SV2C: variants seen among roughly 807,000 people sequenced by gnomAD.
SV2C encodes solute carrier family 22 member B3.
Under a neutral mutation model 79.7 loss-of-function variants are expected in SV2C, and 49 were observed. That is an observed-to-expected ratio of 0.61 (90% CI 0.49 to 0.78). The LOEUF is 0.78. Among genes scored for constraint, SV2C ranks in the 30% least tolerant of loss-of-function variants. SV2C has a pLI of 0.00. For missense variants in SV2C, 833 were observed against 912.9 expected (o/e 0.91, Z 1.13); for synonymous variants, 334 against 333.2 (o/e 1.00, Z -0.03).
At chr5:76,034,434 A>T in the SV2C span, among the ~76,000 whole-genome samples, 3 of 152,188 alleles carry the variant, frequency 2.0e-5, no homozygotes, top group Admixed American at 6.5e-5. Flanking sequence ...TCAATACCTA[A>T]TTTATTGAGA....
chr5:75,877,149 T>C, the SV2C span, among the ~76,000 whole-genome samples: 155 of 152,166 alleles, frequency 1.0e-3, 1 homozygote, highest in African/African-American at 3.5e-3. Context: ...GTGGCTATAC[T>C]GATAATCAGA....
the SV2C span, among the ~76,000 whole-genome samples, chr5:76,028,671 C>T: frequency 6.6e-6 from 1 of 152,156 alleles, no homozygotes; most frequent in Non-Finnish European, 1.5e-5. Context: ...ATTGATCTGG[C>T]TGAATGAATC....
At chr5:76,039,176 C>T in the SV2C span, among the ~76,000 whole-genome samples, 1 of 152,222 alleles carries the variant, frequency 6.6e-6, no homozygotes, top group Non-Finnish European at 1.5e-5. Flanking sequence ...TTGACTTCTG[C>T]TCTGTCCTTT....
chr5:75,913,416 C>CA, the SV2C span, among the ~76,000 whole-genome samples: 2 of 152,142 alleles, frequency 1.3e-5, no homozygotes, highest in East Asian at 3.8e-4. Flanking sequence ...GCCTCAGGGT[C>CA]CCAGGCAGGT....
chr5:76,112,364 T>TG (rs1341574480), intron 1 of SV2C, among the ~76,000 whole-genome samples: 6 of 152,042 alleles, frequency 3.9e-5, no homozygotes, highest in Admixed American at 3.9e-4. Flanking sequence ...CTCTATTCTC[T>TG]GGGGGGAGAT....
At chr5:76,053,162 G>A in the SV2C span, among the ~76,000 whole-genome samples, 1 of 151,474 alleles carries the variant, frequency 6.6e-6, no homozygotes, top group Non-Finnish European at 1.5e-5. Context: ...AGCTATTGCG[G>A]ATTCTAAAAT....
chr5:76,233,927 T>C (rs1202221784), intron 4 of SV2C, among the ~76,000 whole-genome samples: 1 of 152,204 alleles, frequency 6.6e-6, no homozygotes, highest in Non-Finnish European at 1.5e-5. Context: ...TCTGAGCTCA[T>C]GGCTGATTTT....
chr5:76,129,891 GT>G (rs949864179), intron 1 of SV2C, among the ~76,000 whole-genome samples: 1 of 152,154 alleles, frequency 6.6e-6, no homozygotes, highest in African/African-American at 2.4e-5. Flanking sequence ...AGTGTCTGAT[GT>G]GGTCATCCGT....
chr5:76,117,863 A>G (rs1267169035), intron 1 of SV2C, among the ~76,000 whole-genome samples: 2 of 152,196 alleles, frequency 1.3e-5, no homozygotes, highest in Non-Finnish European at 2.9e-5. Context: ...AACATGAACA[A>G]AGAAACCTTA....
chr5:76,116,425 A>G (rs1358545611), intron 1 of SV2C, among the ~76,000 whole-genome samples: 1 of 152,180 alleles, frequency 6.6e-6, no homozygotes, highest in African/African-American at 2.4e-5. Context: ...TGGATCTTTT[A>G]AACCCAGGAG....
chr5:75,901,034 C>T, the SV2C span, among the ~76,000 whole-genome samples: 1 of 152,192 alleles, frequency 6.6e-6, no homozygotes, highest in South Asian at 2.1e-4. Flanking sequence ...GTTTGAGTTT[C>T]CTCCTGTAGC....
At chr5:76,295,413 C>T (rs1304763625) in intron 8 of SV2C, among the ~76,000 whole-genome samples, 1 of 152,184 alleles carries the variant, frequency 6.6e-6, no homozygotes, top group East Asian at 1.9e-4. Flanking sequence ...AAAGCCCCCA[C>T]CTCTAATATT....
At chr5:76,250,950 A>G (rs1033395869) in intron 4 of SV2C, among the ~76,000 whole-genome samples, 5 of 152,202 alleles carry the variant, frequency 3.3e-5, no homozygotes, top group Admixed American at 2.0e-4. Flanking sequence ...GTTACTTACG[A>G]TCTGAAAACT....
the SV2C span, among the ~76,000 whole-genome samples, chr5:75,925,468 C>T: frequency 3.5e-4 from 53 of 152,294 alleles, no homozygotes; most frequent in Non-Finnish European, 6.3e-4. Context: ...AGGTAGCTGG[C>T]AGAATTAGGT....
chr5:76,144,641 C>T (rs1423947405), intron 2 of SV2C, among the ~76,000 whole-genome samples: 1 of 152,038 alleles, frequency 6.6e-6, no homozygotes, highest in African/African-American at 2.4e-5. Flanking sequence ...TGAGGAGATA[C>T]AAAAGGAGAA....
At chr5:76,334,197 G>A (rs1291074993), downstream of SV2C, among the ~76,000 whole-genome samples, 1 of 152,162 alleles carries the variant, frequency 6.6e-6, no homozygotes, top group Admixed American at 6.5e-5. Flanking sequence ...CAAAGCAGAT[G>A]CTTGTGTTCT....
the SV2C span, among the ~76,000 whole-genome samples, chr5:76,004,059 A>T: frequency 1.3e-5 from 2 of 152,128 alleles, no homozygotes; most frequent in African/African-American, 4.8e-5. Context: ...AAGGAAAAAA[A>T]AAAGGTTGAT....
At chr5:76,191,705 G>A (rs1227273683) in intron 2 of SV2C, among the ~76,000 whole-genome samples, 2 of 152,194 alleles carry the variant, frequency 1.3e-5, no homozygotes, top group African/African-American at 2.4e-5. Context: ...ATACCTTAAT[G>A]AGGAAGTCAT....
chr5:76,246,324 G>C (rs1035932104), intron 4 of SV2C, among the ~76,000 whole-genome samples: 1 of 152,128 alleles, frequency 6.6e-6, no homozygotes, highest in Admixed American at 6.5e-5. Context: ...AAAGTTCTCA[G>C]TATTTATCTA....
Sources: allele counts gnomAD v4.1 joint callset (sites outside exome capture counted in the v4.1 genomes callset), GRCh38; gene constraint gnomAD v4.1.1; transcripts MANE v1.5; gene names NCBI Gene and HGNC (gene_info 2026-07-23, HGNC 2026-07-21).